The following EML1 variants were observed in gnomAD, a reference collection of about 807,000 sequenced individuals.
EML1 encodes echinoderm microtubule-associated protein-like 1.
In EML1, 27 loss-of-function variants were observed where a neutral mutation model predicts 110.4. The ratio of observed to expected loss-of-function variants is 0.24; its 90% CI spans 0.18 to 0.34. The LOEUF (loss-of-function observed/expected upper bound fraction) is 0.34. Ranked by LOEUF, EML1 falls within the 10% of genes least tolerant of loss-of-function variation. The probability of loss-of-function intolerance (pLI) is 1.00; values close to 1 mark genes in which losing one functional copy is unlikely to be tolerated. For synonymous variants in EML1, 344 were observed against 385.8 expected (o/e 0.89, Z 1.27); for missense variants, 741 against 1,030.9 (o/e 0.72, Z 3.85).
chr14:99,737,878 AT>A (rs1370831215), intron 1 of EML1: 1 of 1,288,294 alleles, frequency 7.8e-7, no homozygotes, highest in Non-Finnish European at 1.0e-6. Flanking sequence ...GCAGCGCTAT[AT>A]TTACCCGCTG....
chr14:99,921,584 G>A (rs539693257), intron 17 of EML1, among the ~76,000 whole-genome samples: 8 of 152,182 alleles, frequency 5.3e-5, no homozygotes, highest in African/African-American at 9.6e-5. Context: ...GTACTCATCC[G>A]CCAGCTTCAA....
At chr14:99,752,272 AT>A (rs1055388844) in intron 1 of EML1, among the ~76,000 whole-genome samples, 8 of 152,030 alleles carry the variant, frequency 5.3e-5, no homozygotes, top group Non-Finnish European at 1.0e-4. Flanking sequence ...TTGTCCCTAG[AT>A]TCCCCCAAGG....
chr14:99,932,163 T>C (rs1223751259), intron 17 of EML1, among the ~76,000 whole-genome samples: 1 of 152,120 alleles, frequency 6.6e-6, no homozygotes, highest in Non-Finnish European at 1.5e-5. Context: ...GGGTTGTGGA[T>C]GGTACGATCA....
intron 1 of EML1, among the ~76,000 whole-genome samples, chr14:99,746,067 G>T (rs1457159456): frequency 1.3e-5 from 2 of 152,146 alleles, no homozygotes; most frequent in African/African-American, 4.8e-5. Context: ...CCCTCCCCTA[G>T]GCCCTTTCAC....
At chr14:99,809,690 T>A (rs1391251930) in intron 1 of EML1, 1 of 456,128 alleles carries the variant, frequency 2.2e-6, no homozygotes, top group Non-Finnish European at 4.4e-6. Context: ...TTTTGGTAAC[T>A]TGTTTGCTAG....
intron 1 of EML1, among the ~76,000 whole-genome samples, chr14:99,744,431 C>T (rs558075959): frequency 6.6e-6 from 1 of 152,320 alleles, no homozygotes; most frequent in South Asian, 2.1e-4. Context: ...GTTTCACTGG[C>T]TACAGCAAGC....
chr14:99,891,817 T>C (rs1420764572), intron 5 of EML1, among the ~76,000 whole-genome samples: 1 of 152,260 alleles, frequency 6.6e-6, no homozygotes, highest in Non-Finnish European at 1.5e-5. Context: ...ATGTAATTGA[T>C]GAAATACATT....
intron 13 of EML1, among the ~76,000 whole-genome samples, chr14:99,913,118 A>G (rs1302460938): frequency 1.3e-5 from 2 of 152,170 alleles, no homozygotes; most frequent in African/African-American, 4.8e-5. Flanking sequence ...ACTGAACAGA[A>G]TGACATTGCC....
chr14:99,936,266 C>G lies in EML1; in HGVS notation c.2027C>G (p.Thr676Ser), dbSNP rs1450662564. ...TCCCAGGGTCATTCCAGCTTCATTA[C>G]TCACCTGGACTGGTCTGTAAACTCA... ...GKCSGHSSFI[T>S]HLDWSVNSQF... Residue 676 changes from threonine to serine, a missense_variant, in exon 19 of 22, where the codon ACT becomes AGT. Thr to Ser is a moderately conservative substitution (Grantham distance 58). Around this residue, in one of 4 missense-constraint regions of EML1, gnomAD observed 388 missense variants for 605.6 expected, o/e 0.64. Transcript: ENST00000262233. The surrounding 1 kb of genome is among the most constrained non-coding windows in gnomAD (Gnocchi z 5.5). The G allele has an allele frequency of 2.5e-6, 4 of 1,614,006 alleles. No individual in the cohort carries two copies. Among genetic ancestry groups the G allele is most frequent in the Admixed American group, 3.3e-5 (2 of 60,008 alleles).
chr14:99,768,244 T>A (rs2057387034), upstream of EML1, among the ~76,000 whole-genome samples: 1 of 152,190 alleles, frequency 6.6e-6, no homozygotes, highest in Admixed American at 6.5e-5. Flanking sequence ...CAATGCCACG[T>A]GCTAAGTGAA....
At chr14:99,910,217 A>C (rs201293822) in intron 11 of EML1, 25 bp from the exon 12 acceptor site, 14 of 1,479,040 alleles carry the variant, frequency 9.5e-6, no homozygotes, top group Admixed American at 5.6e-5. Flanking sequence ...AAATATATAT[A>C]TAATTTTTTT....
upstream of EML1, among the ~76,000 whole-genome samples, chr14:99,790,414 T>C (rs1296231478): frequency 6.6e-6 from 1 of 152,180 alleles, no homozygotes; most frequent in African/African-American, 2.4e-5. Context: ...CATAGCTCAC[T>C]GCAGCCTCAA....
intron 6 of EML1, 76 bp downstream of exon 6, chr14:99,894,834 A>G: frequency 4.0e-6 from 6 of 1,484,814 alleles, no homozygotes; most frequent in Non-Finnish European, 5.4e-6. Context: ...GTAGAAATTC[A>G]TAAAACTTAA....
At chr14:99,778,430 A>C (rs910478954) in intron 1 of EML1, among the ~76,000 whole-genome samples, 1 of 150,994 alleles carries the variant, frequency 6.6e-6, no homozygotes, top group Non-Finnish European at 1.5e-5. Flanking sequence ...TCTTTTTCTG[A>C]CAGCTTCTAA....
chr14:99,891,846 C>T lies in EML1; in HGVS notation c.547+619C>T, dbSNP rs75623769. On this transcript the variant is annotated intron_variant, in intron 5 of 21. Coordinates refer to ENST00000262233, the MANE Select transcript of EML1 (RefSeq NM_004434.3). ...ATACATTCATTTAATTTTAATTGTT[C>T]TAGTTTTTTCTTAAGTTCAGAATTA... Among the ~76,000 whole-genome samples, 349 of 152,188 alleles carry T rather than the reference C, an allele frequency of 2.3e-3. 6 individuals carry two copies. The East Asian group carries it at 0.027, about 12-fold the overall frequency.
At chr14:99,935,280 C>T (rs2060446740) in intron 17 of EML1, among the ~76,000 whole-genome samples, 1 of 151,720 alleles carries the variant, frequency 6.6e-6, no homozygotes, top group Non-Finnish European at 1.5e-5. Flanking sequence ...TTGAGACCAA[C>T]CTGGTCAACA....
At chr14:99,801,202 A>G (rs985902321) in intron 1 of EML1, among the ~76,000 whole-genome samples, 1 of 152,254 alleles carries the variant, frequency 6.6e-6, no homozygotes, top group African/African-American at 2.4e-5. Context: ...GGTTAGGCGA[A>G]TATTCATGGA....
rs2058024447 is a variant in EML1 at position 99,808,793 on chromosome 14, CTTA to C, written c.67+15251_67+15253del. Reference sequence around the variant, plus strand: ...TCTATTTTCCATCCAATTCACTGCCCTTAGAACATAACCCCAATATAAAATGAT... The same window carrying C: ...TCTATTTTCCATCCAATTCACTGCCCGAACATAACCCCAATATAAAATGAT... On this transcript the variant is annotated intron_variant, in intron 1 of 21. Coordinates refer to ENST00000262233, the MANE Select transcript of EML1 (RefSeq NM_004434.3). Among the ~76,000 whole-genome samples, 3 of 152,304 alleles carry C rather than the reference CTTA, an allele frequency of 2.0e-5. No homozygotes were observed. The East Asian group carries it at 5.8e-4, about 29-fold the overall frequency.
intron 1 of EML1, among the ~76,000 whole-genome samples, chr14:99,777,046 C>T (rs2057490097): frequency 6.6e-6 from 1 of 152,198 alleles, no homozygotes; most frequent in African/African-American, 2.4e-5. Context: ...GAAAGGTCCT[C>T]TCTGAGCAGG....
Sources: allele counts gnomAD v4.1 joint callset (sites outside exome capture counted in the v4.1 genomes callset), GRCh38; gene constraint gnomAD v4.1.1; regional missense constraint gnomAD v4.1.1; non-coding constraint Gnocchi (gnomAD v3.1); transcripts MANE v1.5; gene names NCBI Gene and HGNC (gene_info 2026-07-23, HGNC 2026-07-21).